CLSTN1: variants seen among roughly 807,000 people sequenced by gnomAD.
CLSTN1 encodes calsyntenin 1, also known as calsyntenin-1.
Under a neutral mutation model 108.3 loss-of-function variants are expected in CLSTN1, and 28 were observed. That is an observed-to-expected ratio of 0.26 (90% CI 0.19 to 0.35). The LOEUF (loss-of-function observed/expected upper bound fraction) is 0.35, where lower values mean the gene tolerates loss of function less well. Among genes scored for constraint, CLSTN1 ranks in the 10% least tolerant of loss-of-function variants. The pLI is 1.00. For missense variants in CLSTN1, 1,157 were observed against 1,302.6 expected (o/e 0.89, Z 1.72); for synonymous variants, 524 against 534.9 (o/e 0.98, Z 0.28).
rs917456494 is a variant in CLSTN1, at chr1:9,793,338, G to A, written c.92-19944C>T. Among the ~76,000 whole-genome samples, 7 of 151,474 alleles carry A rather than the reference G, an allele frequency of 4.6e-5. 1 individual carries two copies. The highest frequency in any genetic ancestry group is 2.0e-4 in the Admixed American group (3 of 14,920). On this transcript the variant is annotated intron_variant, in intron 1 of 18. Coordinates refer to ENST00000377298, the MANE Select transcript of CLSTN1 (RefSeq NM_001009566.3). Reference sequence around the variant, plus strand: ...TAAAATACGGATCCTAACAGACAAGGGGAGATCAAACCTCAGATAGTAAAG... The same window carrying A: ...TAAAATACGGATCCTAACAGACAAGAGGAGATCAAACCTCAGATAGTAAAG...
intron 2 of CLSTN1, among the ~76,000 whole-genome samples, chr1:9,771,925 G>A (rs2101157666): frequency 6.6e-6 from 1 of 150,892 alleles, no homozygotes; most frequent in Admixed American, 6.6e-5. Context: ...ATTAACATAT[G>A]TTTCATACAA....
In CLSTN1 at chr1:9,823,574, G is replaced by T; in HGVS notation, c.91+69C>A. 1 of 1,052,132 alleles carries T rather than the reference G, an allele frequency of 9.5e-7. No individual in the cohort carries two copies. Among genetic ancestry groups the T allele is most frequent in the South Asian group, 4.7e-5 (1 of 21,286 alleles). The allele number at this position is 1,052,132 out of a possible 1,614,324, so 65.2% of individuals were successfully genotyped here. The stretch of plus-strand genomic sequence containing the variant: ...ACCCGGACCCGAATCCCCGCACCGG[G>T]ACCCGAATCCTGCACCCGGACCCGA... On this transcript the variant is annotated intron_variant, in intron 1 of 18. Transcript: ENST00000377298. This position sits in a 1 kb window ranked among gnomAD's most constrained non-coding sequence, Gnocchi z 6.3.
intron 1 of CLSTN1, among the ~76,000 whole-genome samples, chr1:9,794,213 C>T (rs1653891131): frequency 6.6e-6 from 1 of 151,518 alleles, no homozygotes; most frequent in African/African-American, 2.4e-5. Context: ...CAGTTTATAC[C>T]TTGTCCAGAG....
chr1:9,769,543 C>A (rs1652561888), intron 2 of CLSTN1, among the ~76,000 whole-genome samples: 2 of 152,148 alleles, frequency 1.3e-5, no homozygotes, highest in Non-Finnish European at 2.9e-5. Context: ...TCACAAAAAG[C>A]CGTACAGTGC....
intron 1 of CLSTN1, among the ~76,000 whole-genome samples, chr1:9,798,609 T>C (rs1015082792): frequency 6.6e-6 from 1 of 152,174 alleles, no homozygotes; most frequent in Non-Finnish European, 1.5e-5. Flanking sequence ...AGCAAATGCC[T>C]GTTTAATGGG....
At chr1:9,789,101 C>T (rs2101218840) in intron 1 of CLSTN1, among the ~76,000 whole-genome samples, 1 of 151,564 alleles carries the variant, frequency 6.6e-6, no homozygotes, top group Admixed American at 6.7e-5. Context: ...GTTGCTTCCA[C>T]CTTTTGGCCA....
chr1:9,800,079 C>G (rs950036231), intron 1 of CLSTN1, among the ~76,000 whole-genome samples: 3 of 152,108 alleles, frequency 2.0e-5, no homozygotes, highest in African/African-American at 4.8e-5. Flanking sequence ...GTAGTGAAAG[C>G]AGTGCTTAGT....
intron 1 of CLSTN1, among the ~76,000 whole-genome samples, chr1:9,793,945 C>A (rs565658950): frequency 6.6e-6 from 1 of 151,596 alleles, no homozygotes; most frequent in African/African-American, 2.4e-5. Flanking sequence ...CAGACACCTT[C>A]CCCCATAAGT....
At chr1:9,761,384 TTGGGAGCCTAAGG>T (rs1242402170) in intron 2 of CLSTN1, among the ~76,000 whole-genome samples, 1 of 152,048 alleles carries the variant, frequency 6.6e-6, no homozygotes, top group Non-Finnish European at 1.5e-5. Context: ...TCCCGGCTAC[TTGGGAGCCTAAGG>T]TGGGAGAATC....
At chr1:9,772,175 C>T (rs1652722171) in intron 2 of CLSTN1, among the ~76,000 whole-genome samples, 1 of 113,284 alleles carries the variant, frequency 8.8e-6, no homozygotes. Context: ...TTAGTAGAGA[C>T]GGGGTTTCAC....
chr1:9,800,354 G>C (rs955044688), intron 1 of CLSTN1, among the ~76,000 whole-genome samples: 1 of 151,676 alleles, frequency 6.6e-6, no homozygotes, highest in Non-Finnish European at 1.5e-5. Context: ...GAAAAAAAAA[G>C]AGAGAAGACA....
At chr1:9,818,613 C>A (rs1655073295) in intron 1 of CLSTN1, among the ~76,000 whole-genome samples, 1 of 151,974 alleles carries the variant, frequency 6.6e-6, no homozygotes, top group South Asian at 2.1e-4. Flanking sequence ...AGGCATGAGC[C>A]ACCGCGCCAG....
intron 1 of CLSTN1, among the ~76,000 whole-genome samples, chr1:9,816,957 C>T (rs1169998200): frequency 1.4e-4 from 21 of 151,970 alleles, no homozygotes; most frequent in Admixed American, 1.4e-3. Context: ...GGTGGTCCTC[C>T]TTTGTCCTAC....
chr1:9,766,031 A>G (rs183449509), intron 2 of CLSTN1, among the ~76,000 whole-genome samples: 8 of 152,204 alleles, frequency 5.3e-5, no homozygotes, highest in Non-Finnish European at 1.2e-4. Context: ...CATTCATAAC[A>G]AAGAATACAG....
intron 1 of CLSTN1, among the ~76,000 whole-genome samples, chr1:9,803,981 G>A (rs1304632415): frequency 6.6e-6 from 1 of 152,132 alleles, no homozygotes; most frequent in Non-Finnish European, 1.5e-5. Context: ...TTAATATGGT[G>A]AAAGGATACA....
chr1:9,823,748 G>T lies in CLSTN1; in HGVS notation c.-15C>A. On this transcript the variant is annotated 5_prime_UTR_variant, in exon 1 of 19. Coordinates refer to ENST00000377298, the MANE Select transcript of CLSTN1 (RefSeq NM_001009566.3). The surrounding 1 kb of genome is among the most constrained non-coding windows in gnomAD (Gnocchi z 6.3). ...CGGCGCAGCATCGCCAGCCCGGGGC[G>T]GGAGCGGCAGGGAGGCGCGCGGGAC... The T allele has an allele frequency of 9.7e-7, 1 of 1,030,730 alleles. No homozygotes were observed. The highest frequency in any genetic ancestry group is 4.5e-5 in the South Asian group (1 of 22,370). The allele number at this position is 1,030,730 out of a possible 1,614,324, so 63.8% of individuals were successfully genotyped here.
At chr1:9,768,546 G>A (rs1449856771) in intron 2 of CLSTN1, among the ~76,000 whole-genome samples, 2 of 117,988 alleles carry the variant, frequency 1.7e-5, no homozygotes, top group Non-Finnish European at 3.6e-5. Flanking sequence ...ATGGGGGCGG[G>A]GTTCTGTGCT....
chr1:9,806,220 AGGGGGGGT>A lies in CLSTN1; in HGVS notation c.91+17415_91+17422del, dbSNP rs770894381. On this transcript the variant is annotated intron_variant, in intron 1 of 18. Transcript: ENST00000377298. The stretch of plus-strand genomic sequence containing the variant: ...CAGGAGAATCGTTTGAACCCAGGGC[AGGGGGGGT>A]GGAGGGGGGGAGGTTGCAGTGAGCT... Among the ~76,000 whole-genome samples, 7 of 114,744 alleles carry A rather than the reference AGGGGGGGT, an allele frequency of 6.1e-5. No individual in the cohort carries two copies. The East Asian group carries it at 1.0e-3, about 17-fold the overall frequency. 75.3% of individuals were successfully genotyped at this position (114,744 alleles called of 152,430 possible).
chr1:9,756,022 C>A (rs879204421), intron 3 of CLSTN1, among the ~76,000 whole-genome samples: 3 of 152,156 alleles, frequency 2.0e-5, no homozygotes, highest in Admixed American at 2.0e-4. Context: ...CTGAAAAAGA[C>A]ACCAGCCTGG....
Sources: gnomAD v4.1 joint callset for allele counts (sites outside exome capture counted in the v4.1 genomes callset) on GRCh38, gnomAD v4.1.1 for gene constraint, Gnocchi (gnomAD v3.1) non-coding constraint, MANE v1.5 for transcripts, NCBI Gene and HGNC (gene_info 2026-07-23, HGNC 2026-07-21) for gene names.